The following HDGFL3 variants were observed in gnomAD, a reference collection of about 807,000 sequenced individuals.
The protein encoded by HDGFL3 is HDGF like 3, also known as hepatoma-derived growth factor-related protein 3.
Under a neutral mutation model 27.6 loss-of-function variants are expected in HDGFL3, and 6 were observed. That is an observed-to-expected ratio of 0.22 (90% CI 0.12 to 0.43). HDGFL3 has a LOEUF of 0.43. Among genes scored for constraint, HDGFL3 ranks in the 20% least tolerant of loss-of-function variants. The pLI is 1.00. For synonymous variants in HDGFL3, 88 were observed against 88.9 expected, an observed-to-expected ratio of 0.99 and a Z score of 0.05; for missense variants, 207 against 250.1, an observed-to-expected ratio of 0.83 and a Z score of 1.16.
At position 83,189,922 on chromosome 15, in the gene HDGFL3, A is replaced by G. The variant is rs559862673; in HGVS notation, c.84+17409T>C. On this transcript the variant is annotated intron_variant, in intron 1 of 5. Transcript: ENST00000299633. The stretch of plus-strand genomic sequence containing the variant: ...TCAATACACTACAATTTAACTTTTC[A>G]TCCTCCATCAAAAAGCTTGGGTTCT... 6.6e-5 allele frequency among the ~76,000 whole-genome samples: 10 copies of G among 152,250 alleles called. No individual in the cohort carries two copies. In the South Asian group the frequency reaches 2.1e-3, roughly 32 times the overall value.
intron 1 of HDGFL3, among the ~76,000 whole-genome samples, chr15:83,201,579 G>A (rs1303550506): frequency 1.3e-5 from 2 of 152,132 alleles, no homozygotes; most frequent in Non-Finnish European, 2.9e-5. Context: ...CTTTTCTAAT[G>A]CAAACAGGCT....
At chr15:83,185,311 G>A (rs540948783) in intron 1 of HDGFL3, among the ~76,000 whole-genome samples, 3 of 152,284 alleles carry the variant, frequency 2.0e-5, no homozygotes, top group African/African-American at 4.8e-5. Flanking sequence ...GAAGCTTTAA[G>A]AAGACTGCTT....
chr15:83,142,982 C>T (rs1158278594), intron 5 of HDGFL3, among the ~76,000 whole-genome samples: 3 of 151,584 alleles, frequency 2.0e-5, no homozygotes, highest in Non-Finnish European at 2.9e-5. Context: ...ATATCATTAA[C>T]GATCACATAT....
Position 83,163,958 on chromosome 15 carries a change from G to C in HDGFL3, c.161+41C>G, listed in dbSNP as rs571895953. ...TCATCCATAACAATGTAGCATAGCA[G>C]AGTCAAGCTAGAGCTGTTGAAACTA... is the stretch of plus-strand genomic sequence containing the variant. On this transcript the variant is annotated intron_variant, in intron 2 of 5. Transcript: ENST00000299633. 4.2e-5 allele frequency: 52 copies of C among 1,235,998 alleles called. No homozygotes were observed. In the East Asian group the frequency reaches 9.8e-4, roughly 23 times the overall value. The allele number at this position is 1,235,998 out of a possible 1,614,324, so 76.6% of individuals were successfully genotyped here. A position where few individuals can be genotyped will look rare whatever the true frequency, so the allele number is the denominator to read the frequency against.
chr15:83,157,872 T>C (rs570710541), intron 3 of HDGFL3, 31 bp downstream of exon 3: 170 of 1,593,624 alleles, frequency 1.1e-4, no homozygotes, highest in Middle Eastern at 2.2e-4. Context: ...AGAAATGAGA[T>C]ATAGCAAGTG....
chr15:83,139,341 T>C, intron 5 of HDGFL3, 66 bp from the exon 6 acceptor site: 1 of 994,012 alleles, frequency 1.0e-6, no homozygotes, highest in Non-Finnish European at 1.4e-6. Flanking sequence ...CAATGAGAGC[T>C]ATCCACACCT....
chr15:83,136,485 A>G lies in HDGFL3; in HGVS notation c.*2785T>C. ...TTTTTTTTTTAAATGCAACAGGCTC[A>G]GTTTTCTCACATTGGTGCATCTCTT... On this transcript the variant is annotated 3_prime_UTR_variant, in exon 6 of 6. Transcript: ENST00000299633. The G allele has an allele frequency of 3.2e-6, 5 of 1,576,620 alleles. No individual in the cohort carries two copies. Among genetic ancestry groups the G allele is most frequent in the Non-Finnish European group, 3.4e-6 (4 of 1,168,628 alleles).
chr15:83,183,556 G>A (rs1428664788), intron 1 of HDGFL3, among the ~76,000 whole-genome samples: 1 of 151,960 alleles, frequency 6.6e-6, no homozygotes, highest in Admixed American at 6.6e-5. Flanking sequence ...AGGTCAGGAA[G>A]TCGAGAACAG....
At position 83,207,523 on chromosome 15, in the gene HDGFL3, G is replaced by A. The variant is rs1356783216; in HGVS notation, c.-109C>T. On this transcript the variant is annotated 5_prime_UTR_variant, in exon 1 of 6. Coordinates refer to ENST00000299633, the MANE Select transcript of HDGFL3 (RefSeq NM_016073.4). The surrounding 1 kb of genome is among the most constrained non-coding windows in gnomAD (Gnocchi z 4.8). ...GCGCTCCCCGCGGGCCTCAAGCCGG[G>A]CGGACGAGCGGCCGCTCCGACGAGG... The A allele has an allele frequency of 1.1e-5, 9 of 851,018 alleles. No homozygotes were observed. Among genetic ancestry groups the A allele is most frequent in the Middle Eastern group, 3.9e-4 (1 of 2,542 alleles). The allele number at this position is 851,018 out of a possible 1,614,324, so 52.7% of individuals were successfully genotyped here. A position where few individuals can be genotyped will look rare whatever the true frequency, so the allele number is the denominator to read the frequency against.
chr15:83,169,931 C>A (rs1227011294), intron 1 of HDGFL3, among the ~76,000 whole-genome samples: 1 of 152,132 alleles, frequency 6.6e-6, no homozygotes, highest in African/African-American at 2.4e-5. Flanking sequence ...CCAATAACAT[C>A]CAAGCTGAGA....
rs201167657 is a variant in HDGFL3, at chr15:83,131,630, CA to C, written c.*7639del. The C allele has an allele frequency of 6.6e-6, 1 of 151,286 alleles. No individual in the cohort carries two copies. The highest frequency in any genetic ancestry group is 1.5e-5 in the Non-Finnish European group (1 of 67,936). The allele number at this position is 151,286 out of a possible 1,614,324, so 9.4% of individuals were successfully genotyped here. A position where few individuals can be genotyped will look rare whatever the true frequency, so the allele number is the denominator to read the frequency against. On this transcript the variant is annotated 3_prime_UTR_variant, in exon 6 of 6. Coordinates refer to ENST00000299633, the MANE Select transcript of HDGFL3 (RefSeq NM_016073.4). Reference sequence around the variant, plus strand: ...CCTGGGTGACAGAGCAAGACTGTCTCAAAAAAAAGAAAGAAAAAAGAGTGAG... The same window carrying C: ...CCTGGGTGACAGAGCAAGACTGTCTCAAAAAAAGAAAGAAAAAAGAGTGAG...
At chr15:83,182,132 C>A (rs1474376848) in intron 1 of HDGFL3, among the ~76,000 whole-genome samples, 1 of 152,114 alleles carries the variant, frequency 6.6e-6, no homozygotes, top group African/African-American at 2.4e-5. Context: ...CTTTTTATGG[C>A]TTTTTATGGC....
chr15:83,119,688 CA>C, intron 3 of HDGFL3: 1 of 1,614,060 alleles, frequency 6.2e-7, no homozygotes, highest in Non-Finnish European at 8.5e-7. Context: ...GGGAGTAAGT[CA>C]GTTCACCTGG....
chr15:83,156,709 T>G (rs2037034292), intron 4 of HDGFL3, among the ~76,000 whole-genome samples: 1 of 152,130 alleles, frequency 6.6e-6, no homozygotes, highest in Non-Finnish European at 1.5e-5. Flanking sequence ...TTCTTTTTTT[T>G]TTGAGATGGA....
intron 1 of HDGFL3, among the ~76,000 whole-genome samples, chr15:83,178,964 T>C (rs751074970): frequency 6.6e-6 from 1 of 152,122 alleles, no homozygotes; most frequent in African/African-American, 2.4e-5. Flanking sequence ...CAAGTTCTCC[T>C]CCCTACTCTT....
At chr15:83,168,352 T>C (rs2151408279) in intron 1 of HDGFL3, among the ~76,000 whole-genome samples, 1 of 152,152 alleles carries the variant, frequency 6.6e-6, no homozygotes, top group South Asian at 2.1e-4. Flanking sequence ...CATGCAAGGA[T>C]CAATGAAACC....
chr15:83,152,293 C>T (rs899428423), intron 4 of HDGFL3, among the ~76,000 whole-genome samples: 7 of 152,228 alleles, frequency 4.6e-5, no homozygotes, highest in African/African-American at 1.2e-4. Context: ...TGGTGGCTCA[C>T]GCCTGTAATC....
At chr15:83,126,238 G>A (rs1180184132), downstream of HDGFL3, among the ~76,000 whole-genome samples, 1 of 152,136 alleles carries the variant, frequency 6.6e-6, no homozygotes, top group Non-Finnish European at 1.5e-5. Flanking sequence ...GTGACTCAGA[G>A]GGGACCTAGT....
chr15:83,199,318 T>C (rs1314057654), intron 1 of HDGFL3, among the ~76,000 whole-genome samples: 1 of 152,214 alleles, frequency 6.6e-6, no homozygotes, highest in Non-Finnish European at 1.5e-5. Flanking sequence ...AATAAAGTAC[T>C]ACTTCAGTGT....
Sources: gnomAD v4.1 joint callset for allele counts (sites outside exome capture counted in the v4.1 genomes callset) on GRCh38, gnomAD v4.1.1 for gene constraint, Gnocchi (gnomAD v3.1) non-coding constraint, MANE v1.5 for transcripts, NCBI Gene and HGNC (gene_info 2026-07-23, HGNC 2026-07-21) for gene names.